Variants in CDH4 observed in about 807,000 individuals in gnomAD.
The protein encoded by CDH4 is cadherin-4.
Under a neutral mutation model 86.0 loss-of-function variants are expected in CDH4, and 33 were observed. That is an observed-to-expected ratio of 0.38 (90% CI 0.29 to 0.51). The LOEUF is 0.51. Among genes scored for constraint, CDH4 ranks in the 20% least tolerant of loss-of-function variants. CDH4 has a pLI of 0.86. For synonymous variants in CDH4, 555 were observed against 549.4 expected (o/e 1.01, Z -0.14); for missense variants, 1,114 against 1,307.4 (o/e 0.85, Z 2.28).
chr20:61,924,240 C>T, intron 10 of CDH4, 94 bp from the exon 11 acceptor site: 1 of 1,299,334 alleles, frequency 7.7e-7, no homozygotes, highest in Non-Finnish European at 1.1e-6. Context: ...TGGCCCAGGC[C>T]CAGGCCCTGG....
intron 10 of CDH4, among the ~76,000 whole-genome samples, chr20:61,924,013 G>A (rs888394638): frequency 6.6e-6 from 1 of 152,218 alleles, no homozygotes. Context: ...TGCCCTCTCT[G>A]CTCCTCAGCG....
chr20:61,694,600 G>A (rs1380286254), intron 2 of CDH4, among the ~76,000 whole-genome samples: 1 of 152,204 alleles, frequency 6.6e-6, no homozygotes, highest in African/African-American at 2.4e-5. Flanking sequence ...AGCACACTTG[G>A]AGGAAGGCTG....
chr20:61,862,603 T>A (rs1449061276), intron 6 of CDH4, among the ~76,000 whole-genome samples: 1 of 152,170 alleles, frequency 6.6e-6, no homozygotes, highest in Non-Finnish European at 1.5e-5. Flanking sequence ...TCCCCATCAC[T>A]GACCAGTGAC....
At chr20:61,550,954 A>G (rs1219903732) in intron 2 of CDH4, among the ~76,000 whole-genome samples, 1 of 152,220 alleles carries the variant, frequency 6.6e-6, no homozygotes, top group Non-Finnish European at 1.5e-5. Context: ...GAGTGGGAAG[A>G]GTGAATTCTG....
At chr20:61,366,975 C>T (rs1320522704) in intron 2 of CDH4, among the ~76,000 whole-genome samples, 1 of 152,244 alleles carries the variant, frequency 6.6e-6, no homozygotes, top group Non-Finnish European at 1.5e-5. Context: ...TTTGCGGACC[C>T]TCCAGACACC....
chr20:61,775,912 A>G (rs7272538), intron 4 of CDH4, among the ~76,000 whole-genome samples: 79,742 of 152,106 alleles, frequency 0.52, 21,113 homozygotes, highest in East Asian at 0.71. Context: ...AAAAGGGAAC[A>G]TGAAAGAGCG....
intron 4 of CDH4, among the ~76,000 whole-genome samples, chr20:61,813,571 C>G (rs1980550539): frequency 6.6e-6 from 1 of 152,164 alleles, no homozygotes. Flanking sequence ...AGCATCGCAT[C>G]CCCAGCTTCT....
chr20:61,651,052 T>C (rs1384113180), intron 2 of CDH4, among the ~76,000 whole-genome samples: 1 of 151,700 alleles, frequency 6.6e-6, no homozygotes, highest in Non-Finnish European at 1.5e-5. Flanking sequence ...CTGGTGTGCT[T>C]GTGTGAGTGA....
At chr20:61,576,981 A>C (rs988744455) in intron 2 of CDH4, among the ~76,000 whole-genome samples, 2 of 152,214 alleles carry the variant, frequency 1.3e-5, no homozygotes, top group Admixed American at 6.5e-5. Flanking sequence ...AAAAAGCAAC[A>C]AGGGAACCCC....
At chr20:61,294,093 G>A (rs1158396417) in intron 2 of CDH4, among the ~76,000 whole-genome samples, 2 of 152,204 alleles carry the variant, frequency 1.3e-5, no homozygotes, top group East Asian at 3.9e-4. Flanking sequence ...GCCTGGCTCT[G>A]ACCTTCACAG....
chr20:61,611,764 A>C (rs2086687074), intron 2 of CDH4, among the ~76,000 whole-genome samples: 1 of 152,110 alleles, frequency 6.6e-6, no homozygotes, highest in African/African-American at 2.4e-5. Context: ...TTGAACCGGG[A>C]AGCAAGCTCA....
At chr20:61,536,039 T>C (rs6061618) in intron 2 of CDH4, among the ~76,000 whole-genome samples, 83,408 of 151,986 alleles carry the variant, frequency 0.55, 26,579 homozygotes, top group African/African-American at 0.88. Context: ...CTTATGGCAT[T>C]AGGAGTGCCC....
intron 3 of CDH4, among the ~76,000 whole-genome samples, chr20:61,749,522 C>A (rs375080629): frequency 6.6e-6 from 1 of 152,242 alleles, no homozygotes; most frequent in African/African-American, 2.4e-5. Flanking sequence ...AAAATCAAAA[C>A]ATAGTTTGTT....
At chr20:61,824,082 A>G (rs1477739303) in intron 4 of CDH4, among the ~76,000 whole-genome samples, 2 of 152,198 alleles carry the variant, frequency 1.3e-5, no homozygotes, top group Non-Finnish European at 2.9e-5. Context: ...AGATGTCTAG[A>G]GCAACAGGCT....
chr20:61,924,113 C>T (rs1468405120), intron 10 of CDH4, among the ~76,000 whole-genome samples: 3 of 150,528 alleles, frequency 2.0e-5, no homozygotes, highest in African/African-American at 7.3e-5. Context: ...GCTTGGTGCC[C>T]GTAGCCACTG....
intron 2 of CDH4, among the ~76,000 whole-genome samples, chr20:61,706,523 G>A (rs759189644): frequency 7.2e-5 from 11 of 152,314 alleles, no homozygotes; most frequent in East Asian, 1.9e-4. Flanking sequence ...TAGCTACGAC[G>A]AAGACTCCGG....
chr20:61,436,604 A>G (rs1158317856), intron 2 of CDH4: 2 of 152,594 alleles, frequency 1.3e-5, no homozygotes, highest in East Asian at 1.9e-4. Context: ...CAGCACATCC[A>G]TCTGTCCACC....
chr20:61,296,769 C>T (rs536954453), intron 2 of CDH4, among the ~76,000 whole-genome samples: 138 of 152,200 alleles, frequency 9.1e-4, no homozygotes, highest in African/African-American at 3.0e-3. Context: ...CAGGCATGGC[C>T]GAAGGTCCCT....
At chr20:61,844,548 C>G in intron 4 of CDH4, 120 bp from the exon 5 acceptor site, 2 of 911,574 alleles carry the variant, frequency 2.2e-6, no homozygotes, top group Admixed American at 4.9e-5. Flanking sequence ...CTGTGGTCCC[C>G]ATTGTACCTG....
Sources: gnomAD v4.1 joint callset for allele counts (sites outside exome capture counted in the v4.1 genomes callset) on GRCh38, gnomAD v4.1.1 for gene constraint, MANE v1.5 for transcripts, NCBI Gene and HGNC (gene_info 2026-07-23, HGNC 2026-07-21) for gene names.